ABCD3: variants seen among roughly 807,000 people sequenced by gnomAD.
ABCD3 encodes the protein ATP-binding cassette sub-family D member 3.
A neutral mutation model predicts 105.5 loss-of-function variants in ABCD3; 41 were observed. That is an observed-to-expected ratio of 0.39 (90% CI 0.30 to 0.50). The LOEUF (loss-of-function observed/expected upper bound fraction) is 0.50. Among genes scored for constraint, ABCD3 ranks in the 20% least tolerant of loss-of-function variants. The pLI, the probability that ABCD3 is intolerant of heterozygous loss-of-function variation, is 0.84. For synonymous variants in ABCD3, 258 were observed against 269.0 expected (o/e 0.96, Z 0.40); for missense variants, 622 against 806.3 (o/e 0.77, Z 2.77).
chr1:94,413,203 CT>C, the ABCD3 span, among the ~76,000 whole-genome samples: 6 of 151,620 alleles, frequency 4.0e-5, no homozygotes, highest in African/African-American at 1.2e-4. Context: ...TTTATGGTAT[CT>C]TTTTTTTCCT....
chr1:94,413,077 T>C, the ABCD3 span, among the ~76,000 whole-genome samples: 1 of 99,920 alleles, frequency 1.0e-5, no homozygotes, highest in East Asian at 4.0e-4. Context: ...TTGTGAAATT[T>C]ATTTATTTAT....
At chr1:94,410,936 G>T in the ABCD3 span, among the ~76,000 whole-genome samples, 2 of 152,138 alleles carry the variant, frequency 1.3e-5, no homozygotes, top group Non-Finnish European at 2.9e-5. Context: ...ACATGCCAAA[G>T]AGTGACACTG....
At chr1:94,475,287 T>C in intron 6 of ABCD3, 47 bp downstream of exon 6, 2 of 1,256,494 alleles carry the variant, frequency 1.6e-6, no homozygotes, top group Non-Finnish European at 2.2e-6. Context: ...AATAGAAGAG[T>C]ATTTATGAAG....
chr1:94,431,734 A>G (rs1659690553), intron 1 of ABCD3, among the ~76,000 whole-genome samples: 1 of 152,060 alleles, frequency 6.6e-6, no homozygotes, highest in South Asian at 2.1e-4. Flanking sequence ...CTAATTTTTA[A>G]TTTTTTTGTA....
In ABCD3 at chr1:94,433,144, C is replaced by G. The variant is rs185964830; in HGVS notation, c.110+14556C>G. Among the ~76,000 whole-genome samples the G allele has an allele frequency of 7.8e-3, 1,182 of 151,254 alleles. 12 individuals are homozygous for G. Among genetic ancestry groups the G allele is most frequent in the African/African-American group, 0.026 (1,057 of 41,178 alleles). On this transcript the variant is annotated intron_variant, in intron 1 of 22. Coordinates refer to ENST00000370214, the MANE Select transcript of ABCD3 (RefSeq NM_002858.4). ...GTGCTGGGATTACAGGCGTAAGCCA[C>G]AACGCCCAGCCTTTTTTTTTTTTTT... is the stretch of plus-strand genomic sequence containing the variant.
chr1:94,478,515 T>G (rs747299052), intron 8 of ABCD3, 200 bp downstream of exon 8: 1 of 1,572,496 alleles, frequency 6.4e-7, no homozygotes. Flanking sequence ...TTAATTTTCC[T>G]TAAATTAGGT....
the ABCD3 span, among the ~76,000 whole-genome samples, chr1:94,401,668 G>A: frequency 4.6e-5 from 7 of 152,158 alleles, no homozygotes; most frequent in Non-Finnish European, 1.0e-4. Context: ...AAGGTTACAA[G>A]TAAATGGTCT....
chr1:94,488,232 T>C (rs947890510), intron 13 of ABCD3, among the ~76,000 whole-genome samples: 4 of 152,068 alleles, frequency 2.6e-5, no homozygotes, highest in African/African-American at 4.8e-5. Flanking sequence ...ATTTGCTAAG[T>C]TGGGAAATGT....
At chr1:94,472,894 C>G (rs756029897) in intron 4 of ABCD3, among the ~76,000 whole-genome samples, 3 of 152,140 alleles carry the variant, frequency 2.0e-5, no homozygotes, top group Non-Finnish European at 4.4e-5. Flanking sequence ...CAAATACATA[C>G]TATCTTTGTA....
chr1:94,432,936 C>T lies in ABCD3; in HGVS notation c.110+14348C>T, dbSNP rs1371679031. ...GTGGCACTATCTCGGCTCACTGCAA[C>T]CTCTGCCTCCTGGGTTCAAGCAATT... is the stretch of plus-strand genomic sequence containing the variant. On this transcript the variant is annotated intron_variant, in intron 1 of 22. Coordinates refer to ENST00000370214, the MANE Select transcript of ABCD3 (RefSeq NM_002858.4). Among the ~76,000 whole-genome samples the T allele has an allele frequency of 2.0e-5, 3 of 151,546 alleles. No individual in the cohort carries two copies. The East Asian group carries it at 5.8e-4, about 29-fold the overall frequency.
At chr1:94,503,395 T>C (rs544971365) in intron 20 of ABCD3, among the ~76,000 whole-genome samples, 2 of 152,286 alleles carry the variant, frequency 1.3e-5, no homozygotes, top group African/African-American at 4.8e-5. Flanking sequence ...ACTTCCGCTG[T>C]CTTGGAGGAT....
chr1:94,516,940 T>C, intron 22 of ABCD3, 112 bp from the exon 23 acceptor site: 1 of 803,654 alleles, frequency 1.2e-6, no homozygotes, highest in Non-Finnish European at 2.2e-6. Context: ...GTGGGATGCT[T>C]ATAGATTTAG....
In ABCD3 at chr1:94,489,929, T is replaced by G. The variant is rs1457857990; in HGVS notation, c.1276T>G (p.Leu426Val). The G allele has an allele frequency of 1.9e-6, 3 of 1,613,264 alleles. No homozygotes were observed. Among genetic ancestry groups the G allele is most frequent in the Non-Finnish European group, 2.5e-6 (3 of 1,179,368 alleles). The change falls in exon 15 of 23, where the codon TTG (leucine) becomes GTG (valine). Residue 426 changes from leucine (L) to valine (V), a missense_variant. Around this residue, in one of 4 missense-constraint regions of ABCD3, gnomAD observed 285 missense variants for 352.5 expected, o/e 0.81. Coordinates refer to ENST00000370214, the MANE Select transcript of ABCD3 (RefSeq NM_002858.4). ...TATTGAAGGAGTACAAGTCATTCCC[T>G]TGATACCTGGTGCTGGAGAAATCAT... ...KGIEGVQVIP[L>V]IPGAGEIIIA...
At chr1:94,391,621 T>C in the ABCD3 span, among the ~76,000 whole-genome samples, 12 of 152,202 alleles carry the variant, frequency 7.9e-5, no homozygotes, top group Non-Finnish European at 5.9e-5. Context: ...TAATGAGTGC[T>C]CCTTAGCACT....
chr1:94,429,954 A>G (rs954610772), intron 1 of ABCD3, among the ~76,000 whole-genome samples: 3 of 152,260 alleles, frequency 2.0e-5, no homozygotes, highest in African/African-American at 7.2e-5. Context: ...ATTCAATGCC[A>G]GCCCGTGAAA....
At chr1:94,473,567 A>G (rs921058602) in intron 4 of ABCD3, among the ~76,000 whole-genome samples, 199 bp from the exon 5 acceptor site, 1 of 152,138 alleles carries the variant, frequency 6.6e-6, no homozygotes, top group Non-Finnish European at 1.5e-5. Context: ...TTGCAGGATG[A>G]GGTTCCAGCA....
At chr1:94,491,343 C>A in intron 16 of ABCD3, 96 bp downstream of exon 16, 1 of 907,036 alleles carries the variant, frequency 1.1e-6, no homozygotes, top group Non-Finnish European at 1.8e-6. Context: ...TAAGGCTCGA[C>A]TTAGTCTCTG....
the ABCD3 span, among the ~76,000 whole-genome samples, chr1:94,406,189 TG>T: frequency 6.6e-6 from 1 of 152,074 alleles, no homozygotes; most frequent in Non-Finnish European, 1.5e-5. Flanking sequence ...CAACTATATT[TG>T]CCTGAGTGAG....
At chr1:94,486,611 A>G (rs1445328864) in intron 10 of ABCD3, among the ~76,000 whole-genome samples, 1 of 152,224 alleles carries the variant, frequency 6.6e-6, no homozygotes, top group African/African-American at 2.4e-5. Context: ...TTCAGGTAGT[A>G]ATGAATTCGG....
Sources: allele counts gnomAD v4.1 joint callset (sites outside exome capture counted in the v4.1 genomes callset), GRCh38; gene constraint gnomAD v4.1.1; regional missense constraint gnomAD v4.1.1; transcripts MANE v1.5; gene names NCBI Gene and HGNC (gene_info 2026-07-23, HGNC 2026-07-21).